Variants in POLQ observed in about 807,000 individuals in gnomAD.
POLQ encodes the protein epididymis secretory sperm binding protein.
POLQ carries 233 observed loss-of-function variants against 259.2 expected under a neutral mutation model. The ratio of observed to expected loss-of-function variants is 0.90; its 90% CI spans 0.81 to 1.00. The LOEUF is 1.00. Among genes scored for constraint, POLQ ranks in the 50% least tolerant of loss-of-function variants. The pLI is 0.00. For missense variants in POLQ, 2,871 were observed against 3,051.6 expected, an observed-to-expected ratio of 0.94 and a Z score of 1.39; for synonymous variants, 1,025 against 1,048.8, an observed-to-expected ratio of 0.98 and a Z score of 0.44.
chr3:121,540,383 A>G (rs2048481840), intron 3 of POLQ, among the ~76,000 whole-genome samples: 1 of 152,232 alleles, frequency 6.6e-6, no homozygotes, highest in Admixed American at 6.5e-5. Flanking sequence ...AACTGGGACT[A>G]GAACCCACAT....
intron 15 of POLQ, among the ~76,000 whole-genome samples, chr3:121,492,341 AAAAT>A (rs1337103261): frequency 6.6e-6 from 1 of 152,240 alleles, no homozygotes; most frequent in Non-Finnish European, 1.5e-5. Flanking sequence ...AGTGGTAGAA[AAAAT>A]AATTAAGCTA....
At chr3:121,490,502 G>GA in intron 15 of POLQ, 94 bp from the exon 16 acceptor site, 5 of 986,768 alleles carry the variant, frequency 5.1e-6, no homozygotes, top group East Asian at 2.4e-5. Flanking sequence ...ACCAGGAACT[G>GA]AAAAAATAAC....
At chr3:121,496,322 C>G (rs1041859433) in intron 14 of POLQ, among the ~76,000 whole-genome samples, 8 of 151,712 alleles carry the variant, frequency 5.3e-5, no homozygotes, top group African/African-American at 1.9e-4. Flanking sequence ...ATTATAAGCG[C>G]CCACCGCCAC....
At chr3:121,507,169 A>T (rs1192124748) in intron 12 of POLQ, among the ~76,000 whole-genome samples, 2 of 152,216 alleles carry the variant, frequency 1.3e-5, no homozygotes, top group Non-Finnish European at 2.9e-5. Flanking sequence ...GACTTCTCTG[A>T]CTATTCCTGT....
At chr3:121,493,395 A>C (rs2048087150) in intron 15 of POLQ, 83 bp downstream of exon 15, 1 of 1,025,082 alleles carries the variant, frequency 9.8e-7, no homozygotes, top group Non-Finnish European at 1.4e-6. Context: ...AGAGAAAAAT[A>C]ACTTTAATAC....
At chr3:121,501,921 C>A (rs147557863) in intron 12 of POLQ, among the ~76,000 whole-genome samples, 4 of 147,024 alleles carry the variant, frequency 2.7e-5, no homozygotes, top group African/African-American at 5.0e-5. Context: ...ACCTGGGAGG[C>A]GGAGGTTGCA....
intron 15 of POLQ, among the ~76,000 whole-genome samples, chr3:121,492,731 G>A (rs1285578454): frequency 5.3e-5 from 8 of 151,214 alleles, no homozygotes; most frequent in Non-Finnish European, 1.2e-4. Flanking sequence ...GACCTCCCGG[G>A]CTCAACCAAC....
At position 121,431,869 on chromosome 3, in the gene POLQ, G is replaced by A. The variant is rs116685716; in HGVS notation, c.*435C>T. 5.3e-3 allele frequency: 838 copies of A among 157,242 alleles called. 12 individuals carry two copies. Among genetic ancestry groups the A allele is most frequent in the African/African-American group, 0.019 (801 of 41,742 alleles). 9.7% of individuals were successfully genotyped at this position (157,242 alleles called of 1,614,324 possible). On this transcript the variant is annotated 3_prime_UTR_variant, in exon 30 of 30. Transcript: ENST00000264233. ...TATTAGAGGAAAAAAAGTCACACAC[G>A]ATGCCTACCACCACCAGGGTGAAAC...
chr3:121,450,382 T>A (rs1034979660), intron 25 of POLQ, among the ~76,000 whole-genome samples: 6 of 152,262 alleles, frequency 3.9e-5, no homozygotes, highest in Non-Finnish European at 8.8e-5. Flanking sequence ...TTATTTTTTT[T>A]ATTATACTTT....
At position 121,509,676 on chromosome 3, in the gene POLQ, C is replaced by A. The variant is rs758122342; in HGVS notation, c.1844G>T (p.Gly615Val). Residue 615 changes from glycine (G) to valine (V), a missense_variant, in exon 12 of 30, where the codon GGT (glycine) becomes GTT (valine). Physicochemically the swap from Gly to Val is moderately radical, Grantham distance 109. Around this residue, in one of 3 missense-constraint regions of POLQ, gnomAD observed 783 missense variants for 906.2 expected, o/e 0.86. Coordinates refer to ENST00000264233, the MANE Select transcript of POLQ (RefSeq NM_199420.4). ...AAGTGAAGAAGAAAGAGTGGCCGAA[C>A]CAAGATGTGTTGGATGATACACCTT... is the stretch of plus-strand genomic sequence containing the variant. ...EGKVYHPTHL[G>V]SATLSSSLSP... is the part of the protein sequence containing the mutation. 2 of 1,613,698 alleles carry A rather than the reference C, an allele frequency of 1.2e-6. No homozygotes were observed. Among genetic ancestry groups the A allele is most frequent in the Non-Finnish European group, 1.7e-6 (2 of 1,179,816 alleles).
At position 121,539,529 on chromosome 3, in the gene POLQ, T is replaced by G. The variant is rs754967445; in HGVS notation, c.535A>C (p.Arg179=). The stretch of plus-strand genomic sequence containing the variant: ...GCAATATCCAATGAAGAGAAATGCC[T>G]TGATGGAGAGGTGCTGCCCATATAA... The part of the protein sequence containing the change: ...DGYMGSTSPS[R]HFSSLDIAVC... Residue 179 remains arginine, a synonymous_variant, in exon 4 of 30, where the codon AGG becomes CGG. Transcript: ENST00000264233. 14 of 1,612,472 alleles carry G rather than the reference T, an allele frequency of 8.7e-6. No individual in the cohort carries two copies. The highest frequency in any genetic ancestry group is 1.2e-5 in the Non-Finnish European group (14 of 1,178,594).
chr3:121,518,835 A>G (rs1282474207), intron 9 of POLQ, among the ~76,000 whole-genome samples: 1 of 152,150 alleles, frequency 6.6e-6, no homozygotes, highest in African/African-American at 2.4e-5. Flanking sequence ...TATGTCCTAG[A>G]GTAGAAAGTG....
chr3:121,452,426 G>A (rs138414767), intron 25 of POLQ, among the ~76,000 whole-genome samples: 29 of 151,840 alleles, frequency 1.9e-4, no homozygotes, highest in African/African-American at 6.3e-4. Context: ...GCCCCCCACC[G>A]CCACGTTTTT....
chr3:121,498,416 C>T (rs1030288376), intron 13 of POLQ, 61 bp downstream of exon 13: 25 of 1,124,024 alleles, frequency 2.2e-5, no homozygotes, highest in African/African-American at 4.7e-5. Flanking sequence ...ATAAACTGGG[C>T]GTCTACTACA....
chr3:121,476,041 A>G (rs1484788120), intron 20 of POLQ, among the ~76,000 whole-genome samples: 1 of 152,246 alleles, frequency 6.6e-6, no homozygotes, highest in Non-Finnish European at 1.5e-5. Context: ...ACAGAAAATC[A>G]AATACTGCAT....
At chr3:121,450,476 C>T (rs1239178585) in intron 25 of POLQ, among the ~76,000 whole-genome samples, 5 of 151,376 alleles carry the variant, frequency 3.3e-5, no homozygotes, top group Non-Finnish European at 5.9e-5. Context: ...CTCATTAACT[C>T]GTCATTTATA....
chr3:121,455,052 C>A (rs2047720546), intron 25 of POLQ, among the ~76,000 whole-genome samples: 1 of 152,032 alleles, frequency 6.6e-6, no homozygotes, highest in Non-Finnish European at 1.5e-5. Context: ...ACAGTGCAAT[C>A]AAACTAGAAC....
Position 121,467,500 on chromosome 3 carries a change from A to G in POLQ, c.6967+19T>C. On this transcript the variant is annotated intron_variant, in intron 24 of 29. Coordinates refer to ENST00000264233, the MANE Select transcript of POLQ (RefSeq NM_199420.4). The stretch of plus-strand genomic sequence containing the variant: ...ATTCTCACAGCAATGAGAAGCTTCA[A>G]AGCTATCAGCCACCTTACCTGGGAA... The G allele has an allele frequency of 1.2e-6, 2 of 1,611,900 alleles. No individual in the cohort carries two copies. The highest frequency in any genetic ancestry group is 1.7e-6 in the Non-Finnish European group (2 of 1,178,792).
In POLQ at chr3:121,448,299, C is replaced by T. The variant is rs547501588; in HGVS notation, c.7264+1016G>A. 2.6e-5 allele frequency among the ~76,000 whole-genome samples: 4 copies of T among 152,160 alleles called. No homozygotes were observed. The East Asian group carries it at 7.7e-4, about 29-fold the overall frequency. ...AATAATTCTGCTATATTAAGAGACT[C>T]TGATACTCTTCAGTATATCAATTGC... On this transcript the variant is annotated intron_variant, in intron 26 of 29. Transcript: ENST00000264233.
Sources: gnomAD v4.1 joint callset for allele counts (sites outside exome capture counted in the v4.1 genomes callset) on GRCh38, gnomAD v4.1.1 for gene constraint, gnomAD v4.1.1 regional missense constraint, MANE v1.5 for transcripts, NCBI Gene and HGNC (gene_info 2026-07-23, HGNC 2026-07-21) for gene names.